Variants in PLCL1 observed in about 807,000 individuals in gnomAD.
PLCL1 encodes phospholipase C like 1 (inactive), also known as inactive phospholipase C-like protein 1.
In PLCL1, 41 loss-of-function variants were observed where a neutral mutation model predicts 84.4. That is an observed-to-expected ratio of 0.49 (90% confidence interval 0.38 to 0.63). PLCL1 has a LOEUF of 0.63. PLCL1 is among the 30% of genes least tolerant of loss of function. The probability of loss-of-function intolerance (pLI) is 0.00; values close to 1 mark genes in which losing one functional copy is unlikely to be tolerated. For synonymous variants in PLCL1, 490 were observed against 488.3 expected (o/e 1.00, Z -0.05); for missense variants, 1,206 against 1,367.8 (o/e 0.88, Z 1.87).
chr2:198,046,990 T>C (rs1337321459), intron 1 of PLCL1, among the ~76,000 whole-genome samples: 13 of 152,192 alleles, frequency 8.5e-5, no homozygotes. Context: ...AGGATATGTT[T>C]TGATGTTTTC....
intron 5 of PLCL1, among the ~76,000 whole-genome samples, chr2:198,143,317 T>G (rs1694433308): frequency 6.6e-6 from 1 of 152,184 alleles, no homozygotes; most frequent in Non-Finnish European, 1.5e-5. Context: ...TCGCTGCTGA[T>G]GTGACAGGAG....
At position 198,147,078 on chromosome 2, in the gene PLCL1, G is replaced by A. The variant is rs948198449; in HGVS notation, c.*116G>A. 1.4e-6 allele frequency: 1 copy of A among 703,808 alleles called. No homozygotes were observed. The highest frequency in any genetic ancestry group is 2.3e-6 in the Non-Finnish European group (1 of 436,152). The allele number at this position is 703,808 out of a possible 1,614,324, so 43.6% of individuals were successfully genotyped here. ...AAAATGGTGCCCTATATGGGGTATTGGACATAGATATTTTCACAATGTCAG... is the reference window on the plus strand; with the variant it reads ...AAAATGGTGCCCTATATGGGGTATTAGACATAGATATTTTCACAATGTCAG... On this transcript the variant is annotated 3_prime_UTR_variant, in exon 6 of 6. Coordinates refer to ENST00000428675, the MANE Select transcript of PLCL1 (RefSeq NM_006226.4).
At chr2:198,052,159 G>T (rs562805300) in intron 1 of PLCL1, among the ~76,000 whole-genome samples, 1 of 151,988 alleles carries the variant, frequency 6.6e-6, no homozygotes, top group Non-Finnish European at 1.5e-5. Context: ...TGATCCACCC[G>T]CCTTGGCCTC....
intron 3 of PLCL1, among the ~76,000 whole-genome samples, chr2:198,099,866 G>A (rs1187108106): frequency 6.6e-6 from 1 of 152,006 alleles, no homozygotes; most frequent in Non-Finnish European, 1.5e-5. Flanking sequence ...TTTAACATTT[G>A]TTTTACTTTC....
intron 1 of PLCL1, among the ~76,000 whole-genome samples, chr2:198,027,433 C>T (rs1691296983): frequency 1.3e-5 from 2 of 152,082 alleles, no homozygotes; most frequent in Admixed American, 6.6e-5. Context: ...CATTGTACAA[C>T]ATATTGACTA....
chr2:197,816,416 G>C (rs1279502444), intron 1 of PLCL1, among the ~76,000 whole-genome samples: 1 of 151,954 alleles, frequency 6.6e-6, no homozygotes, highest in Non-Finnish European at 1.5e-5. Context: ...ATATGCATGG[G>C]AAACAAAAAA....
chr2:198,022,239 A>T (rs897382103), intron 1 of PLCL1, among the ~76,000 whole-genome samples: 10 of 152,230 alleles, frequency 6.6e-5, no homozygotes, highest in Non-Finnish European at 1.5e-4. Context: ...ATATCTCAAT[A>T]TAATAAGAGC....
At position 198,079,229 on chromosome 2, in the gene PLCL1, T is replaced by C. The variant is rs189662283; in HGVS notation, c.241-4529T>C. On this transcript the variant is annotated intron_variant, in intron 1 of 5. Transcript: ENST00000428675. ...GAAACATGTTTATTAATTTGGCTTA[T>C]CTGAACTTTGTTTCCAATTTTAGTT... 4.4e-3 allele frequency among the ~76,000 whole-genome samples: 670 copies of C among 151,774 alleles called. 5 individuals carry two copies. Among genetic ancestry groups the C allele is most frequent in the African/African-American group, 0.015 (641 of 41,526 alleles).
intron 1 of PLCL1, among the ~76,000 whole-genome samples, chr2:198,032,220 A>G (rs1360737501): frequency 6.6e-6 from 1 of 152,228 alleles, no homozygotes. Flanking sequence ...TTCTTTAAAC[A>G]TCAAAAGAAG....
intron 1 of PLCL1, among the ~76,000 whole-genome samples, chr2:197,979,710 G>C (rs1404968102): frequency 3.9e-5 from 6 of 152,182 alleles, no homozygotes; most frequent in East Asian, 1.9e-4. Context: ...TGTGTCTCCT[G>C]TCCCCAGCCA....
In PLCL1 at chr2:197,880,667, T is replaced by A. The variant is rs1163628806; in HGVS notation, c.240+75328T>A. 2.0e-5 allele frequency among the ~76,000 whole-genome samples: 3 copies of A among 152,236 alleles called. No individual in the cohort carries two copies. In the East Asian group the frequency reaches 5.8e-4, roughly 29 times the overall value. On this transcript the variant is annotated intron_variant, in intron 1 of 5. Transcript: ENST00000428675. ...CATCTAGAGTCTAGAATGAACAACA[T>A]TATGTATAGGAGAAAAGTGGAATAT...
intron 1 of PLCL1, among the ~76,000 whole-genome samples, chr2:198,005,682 C>T (rs1388053108): frequency 6.6e-6 from 1 of 152,016 alleles, no homozygotes; most frequent in Non-Finnish European, 1.5e-5. Flanking sequence ...CAGGTGTGGG[C>T]GGTGGTCAGG....
intron 1 of PLCL1, among the ~76,000 whole-genome samples, chr2:198,061,989 C>T (rs971871495): frequency 2.6e-5 from 4 of 152,214 alleles, no homozygotes; most frequent in African/African-American, 9.6e-5. Flanking sequence ...GTATTCCATC[C>T]TGTCTAGCAC....
chr2:197,883,930 T>G (rs986500092), intron 1 of PLCL1, among the ~76,000 whole-genome samples: 1 of 152,200 alleles, frequency 6.6e-6, no homozygotes, highest in Non-Finnish European at 1.5e-5. Context: ...TACAGAATGG[T>G]ATCATATGAG....
intron 1 of PLCL1, among the ~76,000 whole-genome samples, chr2:197,839,211 A>G (rs72918847): frequency 0.11 from 16,259 of 152,300 alleles, 1,170 homozygotes; most frequent in Middle Eastern, 0.21. Flanking sequence ...TCAAATCTGA[A>G]CAGGGTACCT....
At chr2:198,130,076 C>T (rs112422438) in intron 5 of PLCL1, among the ~76,000 whole-genome samples, 2,396 of 152,156 alleles carry the variant, frequency 0.016, 57 homozygotes, top group African/African-American at 0.055. Flanking sequence ...CTCACTGCAG[C>T]CTCAACCTGC....
intron 1 of PLCL1, among the ~76,000 whole-genome samples, chr2:198,017,232 T>A (rs769732263): frequency 7.2e-5 from 11 of 152,106 alleles, no homozygotes; most frequent in Non-Finnish European, 1.5e-4. Flanking sequence ...ACAATAGACA[T>A]GGGGCCAAGA....
chr2:197,995,231 A>C (rs868477858), intron 1 of PLCL1, among the ~76,000 whole-genome samples: 26 of 152,180 alleles, frequency 1.7e-4, no homozygotes, highest in Middle Eastern at 3.4e-3. Context: ...ATTTCCTATG[A>C]ATCTCCTAGG....
intron 1 of PLCL1, among the ~76,000 whole-genome samples, chr2:198,022,936 G>T (rs2139049): frequency 6.6e-6 from 1 of 151,946 alleles, no homozygotes; most frequent in Non-Finnish European, 1.5e-5. Flanking sequence ...AGCCGGTATA[G>T]CCAAGACAAT....
Sources: allele counts gnomAD v4.1 joint callset (sites outside exome capture counted in the v4.1 genomes callset), GRCh38; gene constraint gnomAD v4.1.1; transcripts MANE v1.5; gene names NCBI Gene and HGNC (gene_info 2026-07-23, HGNC 2026-07-21).